Variants in MTHFD1L observed in about 807,000 individuals in gnomAD.
MTHFD1L encodes methylenetetrahydrofolate dehydrogenase (NADP+ dependent) 1 like, also known as monofunctional C1-tetrahydrofolate synthase, mitochondrial.
In MTHFD1L, 81 loss-of-function variants were observed where a neutral mutation model predicts 119.5. The ratio of observed to expected loss-of-function variants is 0.68; its 90% CI spans 0.57 to 0.82. The LOEUF is 0.82. MTHFD1L is among the 40% of genes least tolerant of loss of function. The pLI is 0.00. For missense variants in MTHFD1L, 1,125 were observed against 1,253.4 expected (o/e 0.90, Z 1.55); for synonymous variants, 430 against 475.2 (o/e 0.90, Z 1.24).
At chr6:151,043,669 G>T (rs1318999095) in intron 26 of MTHFD1L, among the ~76,000 whole-genome samples, 1 of 152,280 alleles carries the variant, frequency 6.6e-6, no homozygotes, top group East Asian at 1.9e-4. Context: ...TCGCATTGAG[G>T]CAGTGAGAGA....
chr6:150,899,132 C>T (rs1019824590), intron 7 of MTHFD1L: 1 of 314,844 alleles, frequency 3.2e-6, no homozygotes, highest in African/African-American at 2.3e-5. Context: ...ATATGTTGAG[C>T]AGTAAATTAA....
chr6:150,905,321 T>A (rs1339908077), intron 7 of MTHFD1L, among the ~76,000 whole-genome samples: 1 of 152,142 alleles, frequency 6.6e-6, no homozygotes, highest in Non-Finnish European at 1.5e-5. Flanking sequence ...TGTGAGCCAC[T>A]ATGCCCGGCT....
At chr6:150,908,799 A>G (rs1346238511) in intron 8 of MTHFD1L, among the ~76,000 whole-genome samples, 1 of 151,982 alleles carries the variant, frequency 6.6e-6, no homozygotes, top group African/African-American at 2.4e-5. Flanking sequence ...TTTAGTATGA[A>G]AATTTGATCT....
chr6:150,931,939 A>G lies in MTHFD1L; in HGVS notation c.1257-4865A>G, dbSNP rs113434106. On this transcript the variant is annotated intron_variant, in intron 11 of 27. Transcript: ENST00000367321. ...CCCTTTGGGAGGCCGAGGCGGGCGG[A>G]TCATTTGAGGTCAGGAGTTCGAGAC... 2.1e-3 allele frequency among the ~76,000 whole-genome samples: 327 copies of G among 152,174 alleles called. 1 individual carries two copies. Among genetic ancestry groups the G allele is most frequent in the Admixed American group, 3.7e-3 (57 of 15,282 alleles).
At chr6:150,939,564 C>T (rs1055411305) in intron 13 of MTHFD1L, among the ~76,000 whole-genome samples, 2 of 152,066 alleles carry the variant, frequency 1.3e-5, no homozygotes, top group Admixed American at 6.6e-5. Flanking sequence ...CTGTCATTTC[C>T]GCCGTTGCCT....
intron 26 of MTHFD1L, among the ~76,000 whole-genome samples, chr6:151,060,901 A>G (rs1439948099): frequency 1.3e-5 from 2 of 152,290 alleles, no homozygotes; most frequent in East Asian, 1.9e-4. Flanking sequence ...TGGAAAACGG[A>G]GAAATTAGTC....
chr6:151,045,044 G>T (rs1191554446), intron 26 of MTHFD1L, among the ~76,000 whole-genome samples: 1 of 152,178 alleles, frequency 6.6e-6, no homozygotes. Flanking sequence ...GGTCAGTGAT[G>T]AAGTTATTTG....
intron 26 of MTHFD1L, among the ~76,000 whole-genome samples, chr6:151,090,961 G>A (rs985490840): frequency 3.7e-5 from 5 of 136,032 alleles, no homozygotes; most frequent in Admixed American, 1.5e-4. Flanking sequence ...GCGACTGGGT[G>A]CAGCATCGCC....
chr6:150,927,591 G>A (rs1390105850), intron 11 of MTHFD1L, among the ~76,000 whole-genome samples: 1 of 151,814 alleles, frequency 6.6e-6, no homozygotes, highest in Non-Finnish European at 1.5e-5. Flanking sequence ...CGAGTAGCTG[G>A]GATTACAGGC....
intron 1 of MTHFD1L, among the ~76,000 whole-genome samples, chr6:150,867,555 T>C (rs2839947): frequency 0.53 from 80,747 of 151,912 alleles, 22,934 homozygotes; most frequent in African/African-American, 0.74. Flanking sequence ...CAAAAAAACT[T>C]CTCCCGTCAT....
intron 8 of MTHFD1L, among the ~76,000 whole-genome samples, chr6:150,916,855 C>CA (rs1274689520): frequency 1.4e-5 from 2 of 143,692 alleles, no homozygotes; most frequent in Admixed American, 1.5e-4. Flanking sequence ...CTCGGCCTCC[C>CA]GGTTCAAGCG....
intron 26 of MTHFD1L, among the ~76,000 whole-genome samples, chr6:151,057,936 G>A (rs1209597654): frequency 6.6e-6 from 1 of 152,090 alleles, no homozygotes; most frequent in East Asian, 1.9e-4. Flanking sequence ...GTGCCACCAT[G>A]CCCAGCTAAT....
At chr6:151,057,905 A>G (rs1347079481) in intron 26 of MTHFD1L, among the ~76,000 whole-genome samples, 3 of 152,096 alleles carry the variant, frequency 2.0e-5, no homozygotes, top group Middle Eastern at 3.2e-3. Context: ...CAGCCTCCCA[A>G]GTAGCTGGGA....
chr6:151,096,013 A>G (rs1053011296), intron 27 of MTHFD1L, among the ~76,000 whole-genome samples: 1 of 152,180 alleles, frequency 6.6e-6, no homozygotes, highest in East Asian at 1.9e-4. Flanking sequence ...CCAAGACTCA[A>G]CTCAGATCTG....
chr6:151,097,256 C>G (rs933504613), intron 27 of MTHFD1L, among the ~76,000 whole-genome samples: 1 of 152,160 alleles, frequency 6.6e-6, no homozygotes, highest in Non-Finnish European at 1.5e-5. Context: ...TCCAGTCCTG[C>G]TACAAATGTT....
chr6:151,041,161 G>A (rs1363557324), intron 26 of MTHFD1L, among the ~76,000 whole-genome samples: 1 of 152,194 alleles, frequency 6.6e-6, no homozygotes. Context: ...CTGGAGGTCA[G>A]GAAACTCTCA....
At chr6:150,927,550 G>C (rs544072516) in intron 11 of MTHFD1L, among the ~76,000 whole-genome samples, 1 of 149,940 alleles carries the variant, frequency 6.7e-6, no homozygotes, top group African/African-American at 2.5e-5. Flanking sequence ...TCTGCCTCCC[G>C]GGTTCAAGCG....
chr6:151,000,219 C>T (rs1780413844), intron 20 of MTHFD1L, among the ~76,000 whole-genome samples: 1 of 152,002 alleles, frequency 6.6e-6, no homozygotes, highest in Admixed American at 6.6e-5. Context: ...CAACTGTAGT[C>T]CCAGCTACTC....
At chr6:150,946,492 C>T (rs1006195991) in intron 15 of MTHFD1L, among the ~76,000 whole-genome samples, 9 of 152,180 alleles carry the variant, frequency 5.9e-5, no homozygotes, top group African/African-American at 2.2e-4. Context: ...ATTATACTTG[C>T]GTATGCCATC....
Sources: gnomAD v4.1 joint callset for allele counts (sites outside exome capture counted in the v4.1 genomes callset) on GRCh38, gnomAD v4.1.1 for gene constraint, MANE v1.5 for transcripts, NCBI Gene and HGNC (gene_info 2026-07-23, HGNC 2026-07-21) for gene names.